The following SAMD4A variants were observed in gnomAD, a reference collection of about 807,000 sequenced individuals.
SAMD4A encodes sterile alpha motif domain containing 4A.
SAMD4A carries 33 observed loss-of-function variants against 81.3 expected under a neutral mutation model. The observed-to-expected ratio is 0.41, with a 90% CI of 0.31 to 0.54. The LOEUF is 0.54. SAMD4A is among the 20% of genes least tolerant of loss of function. The probability of loss-of-function intolerance (pLI) is 0.37; values close to 1 mark genes in which losing one functional copy is unlikely to be tolerated. For synonymous variants in SAMD4A, 389 were observed against 382.1 expected, an observed-to-expected ratio of 1.02 and a Z score of -0.21; for missense variants, 854 against 951.1, an observed-to-expected ratio of 0.90 and a Z score of 1.34.
At position 54,616,079 on chromosome 14, in the gene SAMD4A, T is replaced by A. The variant is rs561287733; in HGVS notation, c.196+47967T>A. 2.0e-5 allele frequency among the ~76,000 whole-genome samples: 3 copies of A among 152,346 alleles called. No homozygotes were observed. In the East Asian group the frequency reaches 5.8e-4, roughly 29 times the overall value. On this transcript the variant is annotated intron_variant, in intron 2 of 12. Transcript: ENST00000554335. ...TGACTCTATAAAATCACACACTATT[T>A]CTAGAGAAGATAACTGCAGGCAAAT...
chr14:54,775,074 T>G lies in SAMD4A; in HGVS notation c.1856T>G (p.Phe619Cys). ...CTGGGCCTCTTGGGCACCAGTGGATTCGTCAGCTCCAACCAGCGCAACACC... is the reference window on the plus strand; with the variant it reads ...CTGGGCCTCTTGGGCACCAGTGGATGCGTCAGCTCCAACCAGCGCAACACC... The part of the protein sequence containing the change: ...ARLGLLGTSG[F>C]VSSNQRNTTA... Residue 619 changes from phenylalanine (F) to cysteine (C), a missense_variant, in exon 10 of 13, where the codon TTC becomes TGC. Phe to Cys is a radical substitution (Grantham distance 205). This residue lies in a region of SAMD4A where 428 missense variants were observed against 471.2 expected (regional missense o/e 0.91). Coordinates refer to ENST00000554335, the MANE Select transcript of SAMD4A (RefSeq NM_015589.6). 6.2e-7 allele frequency: 1 copy of G among 1,614,156 alleles called. No individual in the cohort carries two copies. Among genetic ancestry groups the G allele is most frequent in the Non-Finnish European group, 8.5e-7 (1 of 1,180,034 alleles).
intron 2 of SAMD4A, among the ~76,000 whole-genome samples, chr14:54,576,840 C>CT (rs150612551): frequency 0.013 from 2,034 of 152,340 alleles, 45 homozygotes; most frequent in African/African-American, 0.043. Context: ...TCTCCAGCCA[C>CT]TGTCTGCCTA....
chr14:54,565,750 G>C (rs2032909892), upstream of SAMD4A, among the ~76,000 whole-genome samples: 1 of 152,020 alleles, frequency 6.6e-6, no homozygotes, highest in Non-Finnish European at 1.5e-5. This position sits in a 1 kb window ranked among gnomAD's most constrained non-coding sequence, Gnocchi z 5.4. Context: ...CTTTCTGCCG[G>C]GGCTCCAGTG....
At chr14:54,775,281 A>G (rs1243617731) in intron 10 of SAMD4A, 146 bp downstream of exon 10, 3 of 859,500 alleles carry the variant, frequency 3.5e-6, no homozygotes, top group Non-Finnish European at 5.5e-6. Flanking sequence ...AGGTAACAGC[A>G]TTGTTCGCGT....
At chr14:54,572,573 A>G (rs1049844094) in intron 2 of SAMD4A, among the ~76,000 whole-genome samples, 1 of 152,218 alleles carries the variant, frequency 6.6e-6, no homozygotes, top group Non-Finnish European at 1.5e-5. Flanking sequence ...ATGCAGGAGA[A>G]GGAAGGATGG....
At chr14:54,694,935 C>G in intron 2 of SAMD4A, 1 of 985,186 alleles carries the variant, frequency 1.0e-6, no homozygotes, top group Non-Finnish European at 1.2e-6. Flanking sequence ...AGGTAAAGGG[C>G]TCATTGGAAG....
At chr14:54,729,098 C>G (rs1054184420) in intron 3 of SAMD4A, among the ~76,000 whole-genome samples, 2 of 152,076 alleles carry the variant, frequency 1.3e-5, no homozygotes, top group Non-Finnish European at 2.9e-5. Context: ...AAAAGGACAC[C>G]CTGATGATTT....
At chr14:54,787,658 T>A (rs1208911281) in intron 12 of SAMD4A, among the ~76,000 whole-genome samples, 1 of 152,244 alleles carries the variant, frequency 6.6e-6, no homozygotes, top group African/African-American at 2.4e-5. Flanking sequence ...CATTTAGTGG[T>A]CACTGAACGC....
At chr14:54,622,192 AT>A (rs1362300387) in intron 2 of SAMD4A, among the ~76,000 whole-genome samples, 1 of 152,238 alleles carries the variant, frequency 6.6e-6, no homozygotes, top group Non-Finnish European at 1.5e-5. Flanking sequence ...TTTTGTATAA[AT>A]TAGAAATTAA....
At chr14:54,676,758 T>A (rs190957760) in intron 2 of SAMD4A, among the ~76,000 whole-genome samples, 8 of 152,336 alleles carry the variant, frequency 5.3e-5, no homozygotes, top group African/African-American at 1.7e-4. Context: ...TTTCTTTATT[T>A]AGTAGGTGGT....
Position 54,702,248 on chromosome 14 carries a change from A to G in SAMD4A, c.383A>G (p.Tyr128Cys). The G allele has an allele frequency of 1.2e-6, 2 of 1,614,200 alleles. No homozygotes were observed. The highest frequency in any genetic ancestry group is 8.5e-7 in the Non-Finnish European group (1 of 1,180,032). The change falls in exon 3 of 13, where the codon TAT becomes TGT. Residue 128 changes from tyrosine to cysteine, a missense_variant. By Grantham distance (194) the Tyr-to-Cys change is radical (BLOSUM62 -2). Transcript: ENST00000554335. ...HIEESRQLLSYALIHPATSLE... is the reference protein window; with the variant it reads ...HIEESRQLLSCALIHPATSLE... Reference sequence around the variant, plus strand: ...GAGGAGAGCAGGCAGCTGCTGTCCTATGCTTTGATACATCCAGCCACTTCG... The same window carrying G: ...GAGGAGAGCAGGCAGCTGCTGTCCTGTGCTTTGATACATCCAGCCACTTCG...
In SAMD4A at chr14:54,701,021, C is replaced by CAGG. The variant is rs1189954693; in HGVS notation, c.197-1040_197-1038dup. ...TTTTTTTTTTTTTTTTTTTTGAGAC[C>CAGG]AGGTCTCCTCTGTCACCCAAGCCCC... On this transcript the variant is annotated intron_variant, in intron 2 of 12. Coordinates refer to ENST00000554335, the MANE Select transcript of SAMD4A (RefSeq NM_015589.6). 3 of 143,728 alleles carry CAGG rather than the reference C, an allele frequency of 2.1e-5. No homozygotes were observed. In the Admixed American group the frequency reaches 2.1e-4, roughly 10 times the overall value. 8.9% of individuals were successfully genotyped at this position (143,728 alleles called of 1,614,324 possible).
At chr14:54,719,162 C>T (rs2037198376) in intron 3 of SAMD4A, among the ~76,000 whole-genome samples, 1 of 151,994 alleles carries the variant, frequency 6.6e-6, no homozygotes, top group South Asian at 2.1e-4. Context: ...TTTGGCTGGG[C>T]TATCAGAACT....
At chr14:54,618,734 G>A (rs2034548123) in intron 2 of SAMD4A, among the ~76,000 whole-genome samples, 2 of 152,106 alleles carry the variant, frequency 1.3e-5, no homozygotes, top group South Asian at 4.1e-4. Flanking sequence ...CAGAGAAGTT[G>A]GCCAATCACT....
chr14:54,760,384 C>T lies in SAMD4A; in HGVS notation c.1400C>T (p.Ala467Val). The T allele has an allele frequency of 3.3e-6, 5 of 1,516,174 alleles. No individual in the cohort carries two copies. The highest frequency in any genetic ancestry group is 4.4e-6 in the Non-Finnish European group (5 of 1,144,006). 93.9% of individuals were successfully genotyped at this position (1,516,174 alleles called of 1,614,324 possible). The change falls in exon 7 of 13, where the codon GCC (alanine) becomes GTC (valine). Residue 467 changes from alanine to valine, a missense_variant. Transcript: ENST00000554335. ...TGATATPSAG[A>V]SGGLQPHQLS... ...GCCACGGCCACCCCCTCGGCCGGGG[C>T]CAGCGGGGGGCTCCAGCCGCACCAG...
intron 2 of SAMD4A, among the ~76,000 whole-genome samples, chr14:54,615,527 C>T (rs1352854757): frequency 6.6e-6 from 1 of 152,206 alleles, no homozygotes; most frequent in African/African-American, 2.4e-5. Flanking sequence ...TACTATGTTT[C>T]AGGAACATCC....
chr14:54,775,715 G>C (rs978552683), intron 10 of SAMD4A, among the ~76,000 whole-genome samples: 2 of 152,042 alleles, frequency 1.3e-5, no homozygotes, highest in Non-Finnish European at 2.9e-5. Context: ...AGAGCTTCTC[G>C]AAGCTCTGTG....
intron 7 of SAMD4A, among the ~76,000 whole-genome samples, chr14:54,763,195 C>T (rs962149078): frequency 1.9e-4 from 27 of 140,988 alleles, no homozygotes; most frequent in Non-Finnish European, 1.7e-4. Flanking sequence ...TATTTACATT[C>T]TTTTCTACAG....
At chr14:54,573,219 T>C (rs546983625) in intron 2 of SAMD4A, among the ~76,000 whole-genome samples, 2 of 152,328 alleles carry the variant, frequency 1.3e-5, no homozygotes, top group African/African-American at 4.8e-5. Context: ...TACTCTTTGT[T>C]GTGAATAATT....
Sources: gnomAD v4.1 joint callset for allele counts (sites outside exome capture counted in the v4.1 genomes callset) on GRCh38, gnomAD v4.1.1 for gene constraint, gnomAD v4.1.1 regional missense constraint, Gnocchi (gnomAD v3.1) non-coding constraint, MANE v1.5 for transcripts, NCBI Gene and HGNC (gene_info 2026-07-23, HGNC 2026-07-21) for gene names.